Variants in TAFA1 observed in about 807,000 individuals in gnomAD.
The protein encoded by TAFA1 is TAFA chemokine like family member 1.
A neutral mutation model predicts 18.5 loss-of-function variants in TAFA1; 4 were observed. The observed-to-expected ratio is 0.22, with a 90% CI of 0.11 to 0.49. The LOEUF (loss-of-function observed/expected upper bound fraction) is 0.49, where lower values mean the gene tolerates loss of function less well. TAFA1 is among the 20% of genes least tolerant of loss of function. The probability of loss-of-function intolerance (pLI) is 0.98; values close to 1 mark genes in which losing one functional copy is unlikely to be tolerated. For missense variants in TAFA1, 147 were observed against 169.0 expected (o/e 0.87, Z 0.72); for synonymous variants, 56 against 55.2 (o/e 1.01, Z -0.06).
chr3:68,218,426 G>GCTTGTGACT (rs1366271038), intron 2 of TAFA1, among the ~76,000 whole-genome samples: 1 of 151,948 alleles, frequency 6.6e-6, no homozygotes, highest in African/African-American at 2.4e-5. Context: ...CAGATTTCTG[G>GCTTGTGACT]CTTGTGACTG....
intron 4 of TAFA1, among the ~76,000 whole-genome samples, chr3:68,541,944 G>A (rs989725548): frequency 2.6e-5 from 4 of 152,146 alleles, no homozygotes; most frequent in African/African-American, 9.7e-5. Context: ...GGAAGGTGAA[G>A]AGTAGAAATG....
At chr3:68,145,287 C>T in intron 2 of TAFA1, 1 of 789,166 alleles carries the variant, frequency 1.3e-6, no homozygotes, top group Non-Finnish European at 2.3e-6. Context: ...ACCATCAACG[C>T]TCATCAGTGG....
At chr3:68,010,432 T>A (rs906744268) in intron 2 of TAFA1, among the ~76,000 whole-genome samples, 41 of 152,094 alleles carry the variant, frequency 2.7e-4, no homozygotes, top group African/African-American at 9.7e-4. Flanking sequence ...GGGGAAATGG[T>A]TAGAGACTTG....
At chr3:68,439,196 C>T (rs2071319753) in intron 3 of TAFA1, among the ~76,000 whole-genome samples, 1 of 151,726 alleles carries the variant, frequency 6.6e-6, no homozygotes, top group Admixed American at 6.6e-5. Flanking sequence ...TCTTTCTACT[C>T]TTCTTTCTTT....
In TAFA1 at chr3:68,014,838, G is replaced by A. The variant is rs577920967; in HGVS notation, c.118+8094G>A. Among the ~76,000 whole-genome samples the A allele has an allele frequency of 3.3e-5, 5 of 152,190 alleles. No homozygotes were observed. In the South Asian group the frequency reaches 1.0e-3, roughly 32 times the overall value. ...CAGATATTAGGAAATGCTGAATATTGCAAGGCAAGCCAGAAATCTAAAAAT... is the reference window on the plus strand; with the variant it reads ...CAGATATTAGGAAATGCTGAATATTACAAGGCAAGCCAGAAATCTAAAAAT... On this transcript the variant is annotated intron_variant, in intron 2 of 4. Transcript: ENST00000478136.
At chr3:68,055,779 T>G (rs2106713772) in intron 2 of TAFA1, among the ~76,000 whole-genome samples, 1 of 152,148 alleles carries the variant, frequency 6.6e-6, no homozygotes, top group East Asian at 1.9e-4. Flanking sequence ...TATCTCAGGG[T>G]TTTCCATCTT....
At chr3:68,015,641 A>C (rs1208444143) in intron 2 of TAFA1, among the ~76,000 whole-genome samples, 1 of 152,140 alleles carries the variant, frequency 6.6e-6, no homozygotes, top group Non-Finnish European at 1.5e-5. Context: ...AAATCTAATA[A>C]AACAGAAGCA....
chr3:68,261,839 C>T (rs954782201), intron 2 of TAFA1, among the ~76,000 whole-genome samples: 5 of 151,784 alleles, frequency 3.3e-5, no homozygotes, highest in Non-Finnish European at 7.4e-5. Flanking sequence ...ATGTGTGCAG[C>T]ACACCAACAT....
intron 2 of TAFA1, among the ~76,000 whole-genome samples, chr3:68,010,936 A>G (rs139782576): frequency 6.6e-5 from 10 of 152,278 alleles, no homozygotes; most frequent in Non-Finnish European, 1.3e-4. Flanking sequence ...GTGGTGTTCA[A>G]TTGTTTCAGG....
intron 2 of TAFA1, among the ~76,000 whole-genome samples, chr3:68,163,932 T>G (rs764248826): frequency 6.6e-6 from 1 of 152,210 alleles, no homozygotes; most frequent in Non-Finnish European, 1.5e-5. Context: ...TTTTGCAGTT[T>G]AAACTCTTAG....
intron 2 of TAFA1, among the ~76,000 whole-genome samples, chr3:68,090,585 C>G (rs906530887): frequency 8.5e-5 from 13 of 152,142 alleles, no homozygotes; most frequent in African/African-American, 3.1e-4. Context: ...TTTTGTGCCT[C>G]TCATGGGTGA....
chr3:68,040,754 A>T (rs1455258769), intron 2 of TAFA1, among the ~76,000 whole-genome samples: 3 of 152,202 alleles, frequency 2.0e-5, no homozygotes, highest in Admixed American at 6.5e-5. Flanking sequence ...CAATCTGTTT[A>T]AAAAAGCCCT....
chr3:68,444,318 A>G (rs1185642141), intron 3 of TAFA1, among the ~76,000 whole-genome samples: 1 of 152,166 alleles, frequency 6.6e-6, no homozygotes, highest in African/African-American at 2.4e-5. Flanking sequence ...CCCATAAGTT[A>G]TACCTACCAG....
At chr3:68,452,120 G>A (rs1277840392) in intron 3 of TAFA1, among the ~76,000 whole-genome samples, 2 of 152,172 alleles carry the variant, frequency 1.3e-5, no homozygotes, top group Non-Finnish European at 2.9e-5. Flanking sequence ...TGAAGAGTAA[G>A]GAAGGAAAGA....
In TAFA1 at chr3:68,097,613, C is replaced by T. The variant is rs1316196334; in HGVS notation, c.118+90869C>T. Among the ~76,000 whole-genome samples, 11 of 152,124 alleles carry T rather than the reference C, an allele frequency of 7.2e-5. No individual in the cohort carries two copies. In the East Asian group the frequency reaches 2.1e-3, roughly 29 times the overall value. ...AAGATATGAGAGGAAGGAAGGCAAA[C>T]ATGTCCCCTGCCTGTATGTGGCTTA... On this transcript the variant is annotated intron_variant, in intron 2 of 4. Transcript: ENST00000478136.
At chr3:68,267,560 A>C (rs2067571950) in intron 2 of TAFA1, among the ~76,000 whole-genome samples, 1 of 152,156 alleles carries the variant, frequency 6.6e-6, no homozygotes, top group African/African-American at 2.4e-5. Flanking sequence ...GATTCAAGTA[A>C]ATTTGTGCAG....
chr3:68,213,267 G>C (rs1024557217), intron 2 of TAFA1, among the ~76,000 whole-genome samples: 1 of 152,008 alleles, frequency 6.6e-6, no homozygotes, highest in African/African-American at 2.4e-5. Context: ...CTTTAAAAGG[G>C]AAAAATCAAA....
chr3:68,233,841 T>C (rs2066898403), intron 2 of TAFA1, among the ~76,000 whole-genome samples: 1 of 152,216 alleles, frequency 6.6e-6, no homozygotes, highest in South Asian at 2.1e-4. Flanking sequence ...AGGGCTTACA[T>C]ACATCTTCTT....
Position 68,545,575 on chromosome 3 carries a change from C to G in TAFA1, c.*1072C>G, listed in dbSNP as rs2073446028. On this transcript the variant is annotated 3_prime_UTR_variant, in exon 5 of 5. Transcript: ENST00000478136. ...TAGATTTCAAGATGATCTATGTGAC[C>G]AAATGTTGGACAGCCCTATTAAAGT... 1 of 152,520 alleles carries G rather than the reference C, an allele frequency of 6.6e-6. No individual in the cohort carries two copies. The highest frequency in any genetic ancestry group is 2.4e-5 in the African/African-American group (1 of 41,414). 9.4% of individuals were successfully genotyped at this position (152,520 alleles called of 1,614,324 possible).
Sources: gnomAD v4.1 joint callset for allele counts (sites outside exome capture counted in the v4.1 genomes callset) on GRCh38, gnomAD v4.1.1 for gene constraint, MANE v1.5 for transcripts, NCBI Gene and HGNC (gene_info 2026-07-23, HGNC 2026-07-21) for gene names.